The following CHRDL1 variants were observed in gnomAD, a reference collection of about 807,000 sequenced individuals.
CHRDL1 encodes chordin like 1.
Under a neutral mutation model 40.9 loss-of-function variants are expected in CHRDL1, and 19 were observed. That is an observed-to-expected ratio of 0.46 (90% CI 0.32 to 0.68). The LOEUF (loss-of-function observed/expected upper bound fraction) is 0.68, where lower values mean the gene tolerates loss of function less well. Ranked by LOEUF, CHRDL1 falls within the 30% of genes least tolerant of loss-of-function variation. The pLI, the probability that CHRDL1 is intolerant of heterozygous loss-of-function variation, is 0.03. For synonymous variants in CHRDL1, 136 were observed against 123.4 expected, an observed-to-expected ratio of 1.10 and a Z score of -0.68; for missense variants, 329 against 352.1, an observed-to-expected ratio of 0.93 and a Z score of 0.53.
chrX:110,757,569 T>A (rs1312351903), intron 4 of CHRDL1, among the ~76,000 whole-genome samples: 1 of 111,548 alleles, frequency 9.0e-6, no homozygotes, highest in Non-Finnish European at 1.9e-5. Flanking sequence ...ATAAATACAC[T>A]TTTTTGTATA....
intron 5 of CHRDL1, 59 bp downstream of exon 5, chrX:110,721,326 A>T: frequency 9.3e-7 from 1 of 1,073,874 alleles, no homozygotes; most frequent in Non-Finnish European, 1.3e-6. Context: ...GTACAAGTAC[A>T]GAGGAAGCTC....
intron 4 of CHRDL1, among the ~76,000 whole-genome samples, chrX:110,722,138 C>T (rs972390982): frequency 1.8e-5 from 2 of 110,338 alleles, no homozygotes; most frequent in African/African-American, 6.6e-5. Context: ...GCTGGGACTA[C>T]AGGCGCCTGC....
Position 110,674,728 on chromosome X carries a change from C to G in CHRDL1, c.*1503G>C, listed in dbSNP as rs985666090. ...ACCCTCTTAGGAAAGAATTCTCTCA[C>G]CTATAGTCATGGAATGAGACATATG... is the stretch of plus-strand genomic sequence containing the variant. On this transcript the variant is annotated 3_prime_UTR_variant, in exon 12 of 12. Coordinates refer to ENST00000372042, the MANE Select transcript of CHRDL1 (RefSeq NM_001143981.2). 1 of 112,203 alleles carries G rather than the reference C, an allele frequency of 8.9e-6. No individual in the cohort carries two copies. Among genetic ancestry groups the G allele is most frequent in the African/African-American group, 3.2e-5 (1 of 30,891 alleles). 9.2% of individuals were successfully genotyped at this position (112,203 alleles called of 1,213,427 possible). A position where few individuals can be genotyped will look rare whatever the true frequency, so the allele number is the denominator to read the frequency against.
rs745527706 is a variant in CHRDL1 at position 110,707,139 on chromosome X, G to C, written c.542-6418C>G. On this transcript the variant is annotated intron_variant, in intron 6 of 11. Transcript: ENST00000372042. ...AACATCTAATTCTATAAATTCTGCT[G>C]GGAGGGAGCAAGTGTGCTGAAATTT... Among the ~76,000 whole-genome samples the C allele has an allele frequency of 4.5e-5, 5 of 111,727 alleles. No homozygotes were observed. In the East Asian group the frequency reaches 1.4e-3, roughly 31 times the overall value.
chrX:110,707,969 A>G (rs1210822600), intron 6 of CHRDL1, among the ~76,000 whole-genome samples: 1 of 111,998 alleles, frequency 8.9e-6, no homozygotes, highest in African/African-American at 3.2e-5. Context: ...CAACCCCATC[A>G]AAAAGTGAGC....
chrX:110,740,253 T>C (rs1176994164), intron 4 of CHRDL1, among the ~76,000 whole-genome samples: 9 of 112,510 alleles, frequency 8.0e-5, no homozygotes, highest in Non-Finnish European at 1.5e-4. Context: ...TGATTGTCAT[T>C]AGGGCTTTCC....
intron 9 of CHRDL1, among the ~76,000 whole-genome samples, chrX:110,682,144 C>G (rs1284969517): frequency 8.9e-6 from 1 of 112,191 alleles, no homozygotes; most frequent in Non-Finnish European, 1.9e-5. Context: ...AGAAAACATT[C>G]ATGACACTCA....
At chrX:110,692,547 CT>C in intron 8 of CHRDL1, among the ~76,000 whole-genome samples, 1 of 112,338 alleles carries the variant, frequency 8.9e-6, no homozygotes, top group East Asian at 2.8e-4. Context: ...TTTCCCTACA[CT>C]TTTAAAAGGC....
chrX:110,718,881 G>A (rs1049555866), intron 6 of CHRDL1, among the ~76,000 whole-genome samples: 7 of 111,802 alleles, frequency 6.3e-5, no homozygotes, highest in African/African-American at 2.0e-4. Flanking sequence ...ATATTGTTGT[G>A]TAGGTTGTGT....
At chrX:110,732,664 C>T (rs1490800376) in intron 4 of CHRDL1, among the ~76,000 whole-genome samples, 1 of 110,691 alleles carries the variant, frequency 9.0e-6, no homozygotes, top group Non-Finnish European at 1.9e-5. Flanking sequence ...CTGAATATGC[C>T]GTCTTGTCAG....
At chrX:110,718,447 C>T (rs1336620937) in intron 6 of CHRDL1, among the ~76,000 whole-genome samples, 1 of 112,342 alleles carries the variant, frequency 8.9e-6, no homozygotes, top group Non-Finnish European at 1.9e-5. Context: ...AAAATCCTTC[C>T]CATGGCCTTC....
intron 4 of CHRDL1, among the ~76,000 whole-genome samples, chrX:110,738,368 CAAG>C (rs985852776): frequency 1.8e-5 from 2 of 111,942 alleles, no homozygotes; most frequent in East Asian, 2.8e-4. Context: ...CTAAATAAAA[CAAG>C]AAGAAGCCAT....
chrX:110,725,899 T>C (rs932219901), intron 4 of CHRDL1, among the ~76,000 whole-genome samples: 23 of 111,627 alleles, frequency 2.1e-4, no homozygotes, highest in African/African-American at 7.5e-4. Flanking sequence ...TGCAGGCTAT[T>C]GGGAGGTGGC....
chrX:110,735,677 C>T (rs2071250575), intron 4 of CHRDL1, among the ~76,000 whole-genome samples: 1 of 112,235 alleles, frequency 8.9e-6, no homozygotes, highest in South Asian at 3.7e-4. Context: ...TGCTAATAAC[C>T]AGAACCACTT....
At chrX:110,751,311 T>A (rs760861235) in intron 4 of CHRDL1, among the ~76,000 whole-genome samples, 1 of 112,270 alleles carries the variant, frequency 8.9e-6, no homozygotes, top group Non-Finnish European at 1.9e-5. Context: ...TGCTATAACA[T>A]ACATTGCTCC....
At chrX:110,779,216 T>C (rs1198272054) in intron 2 of CHRDL1, among the ~76,000 whole-genome samples, 1 of 111,115 alleles carries the variant, frequency 9.0e-6, no homozygotes, top group African/African-American at 3.3e-5. Context: ...TTGCCTGTAT[T>C]AACAAACCTG....
intron 4 of CHRDL1, among the ~76,000 whole-genome samples, chrX:110,733,916 A>AGC (rs2071214629): frequency 1.1e-5 from 1 of 93,482 alleles, no homozygotes; most frequent in Non-Finnish European, 2.1e-5. Flanking sequence ...GGGCAACAAG[A>AGC]GCAAAACTCT....
At chrX:110,699,774 C>G (rs892125857) in intron 7 of CHRDL1, among the ~76,000 whole-genome samples, 27 of 112,533 alleles carry the variant, frequency 2.4e-4, no homozygotes, top group African/African-American at 8.7e-4. Context: ...ATTCTTTTAA[C>G]AACTGCACAG....
chrX:110,675,938 T>C lies in CHRDL1; in HGVS notation c.*293A>G. ...GATAAAAACCCTGGGGTCTTGTTTG[T>C]CTTTAACCTGTAAAGAAATGTGATT... On this transcript the variant is annotated 3_prime_UTR_variant, in exon 12 of 12. Coordinates refer to ENST00000372042, the MANE Select transcript of CHRDL1 (RefSeq NM_001143981.2). The C allele has an allele frequency of 4.8e-6, 1 of 209,778 alleles. No individual in the cohort carries two copies. Among genetic ancestry groups the C allele is most frequent in the Non-Finnish European group, 8.6e-6 (1 of 115,671 alleles). The allele number at this position is 209,778 out of a possible 1,213,427, so 17.3% of individuals were successfully genotyped here. A position where few individuals can be genotyped will look rare whatever the true frequency, so the allele number is the denominator to read the frequency against.
Sources: allele counts gnomAD v4.1 joint callset (sites outside exome capture counted in the v4.1 genomes callset), GRCh38; gene constraint gnomAD v4.1.1; transcripts MANE v1.5; gene names NCBI Gene and HGNC (gene_info 2026-07-23, HGNC 2026-07-21).